FAM83B: variants seen among roughly 807,000 people sequenced by gnomAD.
FAM83B encodes protein FAM83B.
A neutral mutation model predicts 38.8 loss-of-function variants in FAM83B; 26 were observed. That is an observed-to-expected ratio of 0.67 (90% confidence interval 0.49 to 0.93). The LOEUF is 0.93. Among genes scored for constraint, FAM83B ranks in the 40% least tolerant of loss-of-function variants. FAM83B has a pLI of 0.00. For synonymous variants in FAM83B, 419 were observed against 423.1 expected (o/e 0.99, Z 0.12); for missense variants, 1,237 against 1,197.3 (o/e 1.03, Z -0.49).
intron 1 of FAM83B, among the ~76,000 whole-genome samples, chr6:54,861,809 A>T (rs1771591852): frequency 6.6e-6 from 1 of 152,126 alleles, no homozygotes; most frequent in Non-Finnish European, 1.5e-5. Context: ...TACAGGGAAA[A>T]GGCCTGAGTA....
chr6:54,937,125 A>G lies in FAM83B; in HGVS notation c.735-2581A>G, dbSNP rs188243755. ...CTTTATAGAAATAATAAGATGCTTC[A>G]ATGTGGAGAGTGTCTCTTTTTTCTT... On this transcript the variant is annotated intron_variant, in intron 4 of 4. Transcript: ENST00000306858. Among the ~76,000 whole-genome samples the G allele has an allele frequency of 3.2e-3, 482 of 151,344 alleles. 1 individual carries two copies. Among genetic ancestry groups the G allele is most frequent in the African/African-American group, 0.011 (459 of 41,264 alleles).
chr6:54,861,741 G>C (rs1771588719), intron 1 of FAM83B, among the ~76,000 whole-genome samples: 1 of 152,110 alleles, frequency 6.6e-6, no homozygotes, highest in African/African-American at 2.4e-5. Context: ...TGTTCTCACT[G>C]TCCGATAATG....
At chr6:54,887,990 C>T (rs546050967) in intron 2 of FAM83B, among the ~76,000 whole-genome samples, 8 of 150,422 alleles carry the variant, frequency 5.3e-5, no homozygotes, top group Non-Finnish European at 8.9e-5. Context: ...CTTTTACTCA[C>T]CCCATCTGTT....
chr6:54,902,235 T>C (rs1772675806), intron 2 of FAM83B, among the ~76,000 whole-genome samples: 1 of 152,130 alleles, frequency 6.6e-6, no homozygotes, highest in Non-Finnish European at 1.5e-5. Context: ...AATTTATAAA[T>C]TATGGATTTA....
At chr6:54,888,542 G>T (rs2179786) in intron 2 of FAM83B, among the ~76,000 whole-genome samples, 74,870 of 151,552 alleles carry the variant, frequency 0.49, 19,212 homozygotes, top group East Asian at 0.85. Context: ...TATTATTATT[G>T]TTATTTAGCA....
chr6:54,879,525 G>A (rs772981397), intron 2 of FAM83B, among the ~76,000 whole-genome samples: 15 of 152,126 alleles, frequency 9.9e-5, no homozygotes, highest in Admixed American at 1.3e-4. Flanking sequence ...TTTTTAACAG[G>A]CCATTTAGAT....
intron 2 of FAM83B, among the ~76,000 whole-genome samples, chr6:54,888,709 T>A (rs552002621): frequency 2.6e-4 from 39 of 152,108 alleles, no homozygotes; most frequent in African/African-American, 7.0e-4. Context: ...TTTAACATGA[T>A]GTAACTAGGG....
At position 54,906,793 on chromosome 6, in the gene FAM83B, A is replaced by G. The variant is rs190362685; in HGVS notation, c.445-19578A>G. ...CTCAGTTAATAGATTATTTTTAAAA[A>G]TGGTGATTTGATAGAGGATGTTGCT... On this transcript the variant is annotated intron_variant, in intron 2 of 4. Coordinates refer to ENST00000306858, the MANE Select transcript of FAM83B (RefSeq NM_001010872.3). Among the ~76,000 whole-genome samples, 19 of 152,332 alleles carry G rather than the reference A, an allele frequency of 1.2e-4. No individual in the cohort carries two copies. In the East Asian group the frequency reaches 3.7e-3, roughly 29 times the overall value.
At chr6:54,917,989 T>C (rs1773084263) in intron 2 of FAM83B, among the ~76,000 whole-genome samples, 1 of 152,164 alleles carries the variant, frequency 6.6e-6, no homozygotes. Flanking sequence ...TTTTAACATG[T>C]AAAAATATTG....
chr6:54,888,990 C>G (rs1445002798), intron 2 of FAM83B, among the ~76,000 whole-genome samples: 1 of 151,798 alleles, frequency 6.6e-6, no homozygotes, highest in Admixed American at 6.6e-5. Context: ...TGTGTATTTT[C>G]TACATAGATA....
Position 54,939,697 on chromosome 6 carries a change from T to C in FAM83B, c.735-9T>C, listed in dbSNP as rs762339351. 1.3e-6 allele frequency: 2 copies of C among 1,550,078 alleles called. No homozygotes were observed. Among genetic ancestry groups the C allele is most frequent in the Non-Finnish European group, 8.7e-7 (1 of 1,152,994 alleles). ...TAAATGATTAAAATTTTTCCATTTT[T>C]TTCCCCAGTTATATGTGGTCATTTG... On this transcript the variant is annotated splice_polypyrimidine_tract_variant and intron_variant, in intron 4 of 4. Coordinates refer to ENST00000306858, the MANE Select transcript of FAM83B (RefSeq NM_001010872.3).
Position 54,884,890 on chromosome 6 carries a change from A to G in FAM83B, c.444+14200A>G, listed in dbSNP as rs1425799595. 4.0e-5 allele frequency among the ~76,000 whole-genome samples: 6 copies of G among 148,982 alleles called. No homozygotes were observed. In the East Asian group the frequency reaches 9.8e-4, roughly 24 times the overall value. ...CGGGTTCACGCCATTCTCCTGCCTC[A>G]GCCTCTCGAGTAGCTGGGACTACAG... On this transcript the variant is annotated intron_variant, in intron 2 of 4. Transcript: ENST00000306858.
upstream of FAM83B, among the ~76,000 whole-genome samples, chr6:54,846,433 C>T (rs972899226): frequency 6.6e-6 from 1 of 152,214 alleles, no homozygotes. Context: ...CGGGATCGCT[C>T]CTCGCCCCAG....
chr6:54,916,405 A>G (rs1773039451), intron 2 of FAM83B, among the ~76,000 whole-genome samples: 1 of 152,124 alleles, frequency 6.6e-6, no homozygotes, highest in African/African-American at 2.4e-5. Context: ...TCACTTTGCC[A>G]AAATCTAGAT....
chr6:54,884,377 G>A (rs2127578711), intron 2 of FAM83B, among the ~76,000 whole-genome samples: 1 of 150,472 alleles, frequency 6.6e-6, no homozygotes, highest in Non-Finnish European at 1.5e-5. Context: ...AGCTACTTGG[G>A]AGGCTGAGTC....
At chr6:54,913,914 T>G (rs541821954) in intron 2 of FAM83B, among the ~76,000 whole-genome samples, 3 of 151,992 alleles carry the variant, frequency 2.0e-5, no homozygotes, top group Admixed American at 2.0e-4. Flanking sequence ...AAAAAAAAGC[T>G]TTTGAAAACA....
intron 2 of FAM83B, among the ~76,000 whole-genome samples, chr6:54,899,701 C>T (rs1772613905): frequency 6.6e-6 from 1 of 152,074 alleles, no homozygotes; most frequent in South Asian, 2.1e-4. Flanking sequence ...GCACTGATTC[C>T]ATTCATGAGG....
intron 1 of FAM83B, among the ~76,000 whole-genome samples, chr6:54,859,154 G>A (rs10948865): frequency 0.037 from 5,491 of 149,050 alleles, 322 homozygotes; most frequent in African/African-American, 0.12. Flanking sequence ...TCCGCCTCCC[G>A]GGTTCAAGCG....
At chr6:54,903,281 A>G (rs1218016503) in intron 2 of FAM83B, among the ~76,000 whole-genome samples, 1 of 152,212 alleles carries the variant, frequency 6.6e-6, no homozygotes, top group African/African-American at 2.4e-5. Flanking sequence ...ATATCTCTGT[A>G]TATTTGAATC....
Sources: gnomAD v4.1 joint callset for allele counts (sites outside exome capture counted in the v4.1 genomes callset) on GRCh38, gnomAD v4.1.1 for gene constraint, MANE v1.5 for transcripts, NCBI Gene and HGNC (gene_info 2026-07-23, HGNC 2026-07-21) for gene names.